The following DPY19L1 variants were observed in gnomAD, a reference collection of about 807,000 sequenced individuals.
DPY19L1 encodes the protein protein C-mannosyl-transferase DPY19L1.
DPY19L1 carries 35 observed loss-of-function variants against 96.9 expected under a neutral mutation model. That is an observed-to-expected ratio of 0.36 (90% CI 0.28 to 0.48). The LOEUF is 0.48. Ranked by LOEUF, DPY19L1 falls within the 20% of genes least tolerant of loss-of-function variation. The probability of loss-of-function intolerance (pLI) is 0.99; values close to 1 mark genes in which losing one functional copy is unlikely to be tolerated. For synonymous variants in DPY19L1, 205 were observed against 252.6 expected (o/e 0.81, Z 1.79); for missense variants, 521 against 777.9 (o/e 0.67, Z 3.93).
chr7:34,992,328 G>A (rs2128672860), intron 6 of DPY19L1, among the ~76,000 whole-genome samples: 1 of 152,040 alleles, frequency 6.6e-6, no homozygotes, highest in Admixed American at 6.5e-5. Flanking sequence ...TAAAAATTAA[G>A]GTTATCAAAC....
At chr7:34,987,844 C>T (rs1295899431) in intron 7 of DPY19L1, 1 of 151,998 alleles carries the variant, frequency 6.6e-6, no homozygotes, top group Non-Finnish European at 1.5e-5. Context: ...CCCAAAACTG[C>T]AGTTTATGCT....
At chr7:35,002,213 G>A (rs1056776818) in intron 6 of DPY19L1, among the ~76,000 whole-genome samples, 1 of 151,096 alleles carries the variant, frequency 6.6e-6, no homozygotes, top group African/African-American at 2.4e-5. Context: ...TTCTGGGAGG[G>A]TAAAAACATC....
intron 7 of DPY19L1, among the ~76,000 whole-genome samples, chr7:34,976,104 A>C (rs544574499): frequency 2.8e-4 from 43 of 152,362 alleles, no homozygotes; most frequent in African/African-American, 9.9e-4. Flanking sequence ...ATAAGGCTCT[A>C]GCTGCTATAG....
rs776511618 is a variant in DPY19L1, at chr7:34,940,188, T to C, written c.1829A>G (p.Glu610Gly). The C allele has an allele frequency of 4.1e-5, 65 of 1,599,070 alleles. No individual in the cohort carries two copies. The highest frequency in any genetic ancestry group is 4.5e-5 in the Non-Finnish European group (53 of 1,173,178). ...VGEFSNLPQEELIEWIKYSTK... is the reference protein window; with the variant it reads ...VGEFSNLPQEGLIEWIKYSTK... The stretch of plus-strand genomic sequence containing the variant: ...ACTATATTTGATCCATTCTATAAGT[T>C]CTTCTTGGGGCAAATTGCTGAACTC... The change falls in exon 19 of 22, where the codon GAA becomes GGA. Residue 610 changes from glutamate (E) to glycine (G), a missense_variant. Transcript: ENST00000638088.
intron 8 of DPY19L1, among the ~76,000 whole-genome samples, chr7:34,971,575 G>A (rs1784725066): frequency 6.6e-6 from 1 of 152,174 alleles, no homozygotes; most frequent in African/African-American, 2.4e-5. Flanking sequence ...GAACAGAAAT[G>A]CCAACTGGAA....
rs1034150691 is a variant in DPY19L1 at position 34,947,829 on chromosome 7, T to C, written c.1423-128A>G. ...AACATTCACCAATCTACTCACTGAC[T>C]GCCATCATAAAAAGGAAGGTGCATT... On this transcript the variant is annotated intron_variant, in intron 14 of 21. Transcript: ENST00000638088. The C allele has an allele frequency of 1.3e-5, 9 of 701,686 alleles. No homozygotes were observed. The African/African-American group carries it at 1.7e-4, about 13-fold the overall frequency. The allele number at this position is 701,686 out of a possible 1,614,324, so 43.5% of individuals were successfully genotyped here.
intron 13 of DPY19L1, among the ~76,000 whole-genome samples, chr7:34,950,671 T>C (rs1313713742): frequency 6.6e-6 from 1 of 152,080 alleles, no homozygotes; most frequent in Non-Finnish European, 1.5e-5. Context: ...AACTAGATGG[T>C]GGCAGGTATG....
intron 6 of DPY19L1, among the ~76,000 whole-genome samples, chr7:35,009,628 A>C (rs949600633): frequency 6.6e-6 from 1 of 152,164 alleles, no homozygotes; most frequent in Non-Finnish European, 1.5e-5. Context: ...TATTTTATGT[A>C]AACAATATAT....
intron 10 of DPY19L1, among the ~76,000 whole-genome samples, chr7:34,964,526 A>G (rs984137841): frequency 2.6e-5 from 4 of 152,224 alleles, no homozygotes; most frequent in Admixed American, 1.3e-4. Context: ...ATCCAGCGAC[A>G]TGCAAAAATT....
At chr7:35,012,034 A>G (rs1334464557) in intron 4 of DPY19L1, among the ~76,000 whole-genome samples, 20 of 152,244 alleles carry the variant, frequency 1.3e-4, no homozygotes, top group Admixed American at 1.1e-3. Context: ...TGAGGCACTC[A>G]TTCCTCCAGC....
intron 6 of DPY19L1, among the ~76,000 whole-genome samples, chr7:34,997,609 CA>C (rs3048611): frequency 0.018 from 1,333 of 75,580 alleles, 7 homozygotes; most frequent in African/African-American, 0.064. Context: ...GACTCCGTCT[CA>C]AAAAAAAAAA....
At chr7:34,934,355 C>G (rs1420898480) in intron 21 of DPY19L1, among the ~76,000 whole-genome samples, 1 of 152,160 alleles carries the variant, frequency 6.6e-6, no homozygotes, top group Non-Finnish European at 1.5e-5. Context: ...GGACTGTATA[C>G]TGAACAATAA....
chr7:34,950,768 C>T (rs1304431862), intron 13 of DPY19L1, among the ~76,000 whole-genome samples: 2 of 152,092 alleles, frequency 1.3e-5, no homozygotes, highest in East Asian at 1.9e-4. Flanking sequence ...GAATATACAG[C>T]ACCTAAAATA....
intron 14 of DPY19L1, among the ~76,000 whole-genome samples, chr7:34,948,442 G>A (rs531159523): frequency 1.3e-5 from 2 of 152,064 alleles, no homozygotes; most frequent in African/African-American, 4.8e-5. Flanking sequence ...TACCATAATT[G>A]GAACATATGT....
chr7:35,033,349 T>A (rs1786307082), intron 1 of DPY19L1, among the ~76,000 whole-genome samples: 1 of 152,134 alleles, frequency 6.6e-6, no homozygotes, highest in Non-Finnish European at 1.5e-5. Flanking sequence ...GTGCAATTAT[T>A]TTCATTTATT....
chr7:34,935,995 T>C (rs1364511769), intron 21 of DPY19L1, among the ~76,000 whole-genome samples: 1 of 152,122 alleles, frequency 6.6e-6, no homozygotes, highest in Non-Finnish European at 1.5e-5. Flanking sequence ...GTTGTTTTAA[T>C]GAGTGGGGAA....
intron 10 of DPY19L1, among the ~76,000 whole-genome samples, chr7:34,959,911 ATATAT>A (rs1784460237): frequency 5.9e-5 from 8 of 134,538 alleles, no homozygotes; most frequent in African/African-American, 1.3e-4. Flanking sequence ...ATATATATAT[ATATAT>A]ATATATATTT....
At chr7:35,025,500 A>T (rs1484270037) in intron 1 of DPY19L1, among the ~76,000 whole-genome samples, 3 of 152,012 alleles carry the variant, frequency 2.0e-5, no homozygotes, top group Admixed American at 2.0e-4. Flanking sequence ...GGTTAAGAAG[A>T]GGTGGGTGGG....
chr7:34,999,910 G>C (rs1478436181), intron 6 of DPY19L1, among the ~76,000 whole-genome samples: 1 of 152,084 alleles, frequency 6.6e-6, no homozygotes, highest in Non-Finnish European at 1.5e-5. Flanking sequence ...ATGGTTTTAC[G>C]TATCAGAATT....
Sources: gnomAD v4.1 joint callset for allele counts (sites outside exome capture counted in the v4.1 genomes callset) on GRCh38, gnomAD v4.1.1 for gene constraint, MANE v1.5 for transcripts, NCBI Gene and HGNC (gene_info 2026-07-23, HGNC 2026-07-21) for gene names.